THOC5: variants seen among roughly 807,000 people sequenced by gnomAD.
The protein encoded by THOC5 is Fms-interacting protein.
In THOC5, 43 loss-of-function variants were observed where a neutral mutation model predicts 92.9. That is an observed-to-expected ratio of 0.46 (90% CI 0.36 to 0.60). THOC5 has a LOEUF of 0.60. Ranked by LOEUF, THOC5 falls within the 20% of genes least tolerant of loss-of-function variation. The pLI, the probability that THOC5 is intolerant of heterozygous loss-of-function variation, is 0.00. For missense variants in THOC5, 659 were observed against 849.4 expected (o/e 0.78, Z 2.79); for synonymous variants, 296 against 320.1 (o/e 0.92, Z 0.80).
chr22:29,525,323 G>A (rs982385950), intron 12 of THOC5, among the ~76,000 whole-genome samples: 4 of 152,084 alleles, frequency 2.6e-5, no homozygotes, highest in Non-Finnish European at 5.9e-5. Flanking sequence ...GGGCCTTCCT[G>A]GGGATGCGAT....
intron 15 of THOC5, among the ~76,000 whole-genome samples, chr22:29,518,695 C>A (rs2063379795): frequency 6.6e-6 from 1 of 152,220 alleles, no homozygotes; most frequent in Non-Finnish European, 1.5e-5. Context: ...GTGTCGAATG[C>A]ACATCAAAAT....
intron 7 of THOC5, among the ~76,000 whole-genome samples, chr22:29,532,575 G>A (rs2063677287): frequency 6.6e-6 from 1 of 152,326 alleles, no homozygotes; most frequent in Middle Eastern, 3.4e-3. Context: ...TGAGGCAGGA[G>A]CATCACTTGA....
chr22:29,515,127 C>T (rs1179932929), intron 17 of THOC5, among the ~76,000 whole-genome samples: 1 of 151,966 alleles, frequency 6.6e-6, no homozygotes, highest in East Asian at 1.9e-4. Flanking sequence ...TTGTAACCTC[C>T]ACCTCCTGGG....
intron 15 of THOC5, among the ~76,000 whole-genome samples, chr22:29,517,582 G>A (rs2063358241): frequency 6.6e-6 from 1 of 152,226 alleles, no homozygotes; most frequent in African/African-American, 2.4e-5. Flanking sequence ...GCCAGATCCA[G>A]TGCCAGCACT....
intron 18 of THOC5, among the ~76,000 whole-genome samples, chr22:29,511,605 A>G (rs901323453): frequency 6.6e-6 from 1 of 152,278 alleles, no homozygotes; most frequent in Non-Finnish European, 1.5e-5. Context: ...AACGTGTTCC[A>G]TGGCATGTTT....
rs763259869 is a variant in THOC5 at position 29,517,046 on chromosome 22, A to G, written c.1664T>C (p.Leu555Pro). The G allele has an allele frequency of 6.2e-7, 1 of 1,614,144 alleles. No homozygotes were observed. Among genetic ancestry groups the G allele is most frequent in the South Asian group, 1.1e-5 (1 of 91,080 alleles). Residue 555 changes from leucine (L) to proline (P), a missense_variant, in exon 17 of 20, where the codon CTC becomes CCC. Leu to Pro is a moderately conservative substitution (Grantham distance 98). Coordinates refer to ENST00000490103, the MANE Select transcript of THOC5 (RefSeq NM_003678.5). ...AGDTNLYYMA[L>P]IERGTAKLQA... is the part of the protein sequence containing the mutation. Reference sequence around the variant, plus strand: ...GCAATTACCTGTGCCCCTTTCGATGAGCGCCATGTAGTAGAGATTGGTGTC... The same window carrying G: ...GCAATTACCTGTGCCCCTTTCGATGGGCGCCATGTAGTAGAGATTGGTGTC...
At chr22:29,552,793 TAG>T (rs2064196753) in intron 1 of THOC5, among the ~76,000 whole-genome samples, 1 of 152,104 alleles carries the variant, frequency 6.6e-6, no homozygotes, top group Non-Finnish European at 1.5e-5. Context: ...TTTTGTCTAG[TAG>T]AGAGGGGGGA....
At chr22:29,532,084 T>C (rs924115850) in intron 7 of THOC5, 121 bp from the exon 8 acceptor site, 7 of 1,197,566 alleles carry the variant, frequency 5.8e-6, no homozygotes, top group Non-Finnish European at 8.1e-6. Context: ...CTAATAGAAC[T>C]AATAGGTGGA....
chr22:29,520,142 C>A, intron 13 of THOC5, 38 bp from the exon 14 acceptor site: 2 of 1,583,902 alleles, frequency 1.3e-6, no homozygotes, highest in South Asian at 2.3e-5. Context: ...TGCTGTAAGT[C>A]ATTTCTGCTG....
intron 14 of THOC5, among the ~76,000 whole-genome samples, 172 bp downstream of exon 14, chr22:29,519,836 G>C (rs540410839): frequency 1.3e-3 from 191 of 152,080 alleles, no homozygotes; most frequent in African/African-American, 4.2e-3. Flanking sequence ...GTTTCATCAT[G>C]TTGGCCAGGC....
chr22:29,547,329 C>A (rs2064043959), intron 2 of THOC5, among the ~76,000 whole-genome samples: 1 of 152,088 alleles, frequency 6.6e-6, no homozygotes. Flanking sequence ...TCTGAGACCA[C>A]CTCAGGCTGG....
intron 17 of THOC5, among the ~76,000 whole-genome samples, chr22:29,515,785 T>C (rs1042552060): frequency 1.3e-5 from 2 of 151,942 alleles, no homozygotes; most frequent in African/African-American, 4.8e-5. Context: ...GAGCCATGAC[T>C]GAGCCACTGT....
intron 15 of THOC5, among the ~76,000 whole-genome samples, chr22:29,518,185 C>A (rs1005240546): frequency 6.6e-6 from 1 of 152,176 alleles, no homozygotes; most frequent in Non-Finnish European, 1.5e-5. Context: ...AAGTGCACAC[C>A]ACCATGCCCA....
intron 1 of THOC5, among the ~76,000 whole-genome samples, chr22:29,552,514 G>A (rs1361337077): frequency 1.3e-5 from 2 of 150,194 alleles, no homozygotes; most frequent in African/African-American, 2.5e-5. Context: ...CCCAGCAGCC[G>A]CCCCGTCCGG....
rs776933906 is a variant in THOC5, at chr22:29,536,617, G to A, written c.714+7C>T. ...TGAAGGCAAAGCAAAAGGCCAGAGG[G>A]CCCCACCTGCATGATGCTGTTGAGG... On this transcript the variant is annotated splice_region_variant and intron_variant, in intron 7 of 19. Coordinates refer to ENST00000490103, the MANE Select transcript of THOC5 (RefSeq NM_003678.5). The A allele has an allele frequency of 1.3e-5, 21 of 1,572,114 alleles. No individual in the cohort carries two copies. The highest frequency in any genetic ancestry group is 1.8e-5 in the Non-Finnish European group (20 of 1,141,782).
rs538462211 is a variant in THOC5 at position 29,522,534 on chromosome 22, C to T, written c.1176-1435G>A. Reference sequence around the variant, plus strand: ...TTGACAAAACCTGATGAAGGAATCACCTTCTTGGCAAAATTTATATCTGCA... The same window carrying T: ...TTGACAAAACCTGATGAAGGAATCATCTTCTTGGCAAAATTTATATCTGCA... On this transcript the variant is annotated intron_variant, in intron 12 of 19. Transcript: ENST00000490103. Among the ~76,000 whole-genome samples, 20 of 152,144 alleles carry T rather than the reference C, an allele frequency of 1.3e-4. No individual in the cohort carries two copies. The East Asian group carries it at 3.5e-3, about 26-fold the overall frequency.
intron 7 of THOC5, 67 bp from the exon 8 acceptor site, chr22:29,532,030 T>C (rs1358059445): frequency 9.0e-5 from 140 of 1,561,376 alleles, no homozygotes; most frequent in Middle Eastern, 8.6e-4. Context: ...AAGTGGCTAC[T>C]TAGTGACCGT....
At chr22:29,517,942 C>T (rs573152711) in intron 15 of THOC5, among the ~76,000 whole-genome samples, 10 of 152,326 alleles carry the variant, frequency 6.6e-5, no homozygotes, top group African/African-American at 2.4e-4. Context: ...CTGGAGAGAT[C>T]GGCAGCCATG....
rs35832657 is a variant in THOC5 at position 29,517,289 on chromosome 22, C to T, written c.1567G>A (p.Val523Met). The T allele has an allele frequency of 5.9e-3, 9,526 of 1,614,190 alleles. 102 individuals carry two copies. Among genetic ancestry groups the T allele is most frequent in the Non-Finnish European group, 4.9e-3 (5,772 of 1,180,024 alleles). The change falls in exon 16 of 20, where the codon GTG (valine) becomes ATG (methionine). Residue 523 changes from valine to methionine, a missense_variant. Coordinates refer to ENST00000490103, the MANE Select transcript of THOC5 (RefSeq NM_003678.5). ...ATGTAATCCTCATGGGCAACTGTCA[C>T]CCATTTCACCAGGCGAGAGACAACC... ...AKVVSRLVKW[V>M]TVAHEDYMEL...
Sources: gnomAD v4.1 joint callset for allele counts (sites outside exome capture counted in the v4.1 genomes callset) on GRCh38, gnomAD v4.1.1 for gene constraint, MANE v1.5 for transcripts, NCBI Gene and HGNC (gene_info 2026-07-23, HGNC 2026-07-21) for gene names.